The following ZNF236 variants were observed in gnomAD, a reference collection of about 807,000 sequenced individuals.
ZNF236 encodes the protein zinc finger protein 236.
Under a neutral mutation model 191.2 loss-of-function variants are expected in ZNF236, and 50 were observed. That is an observed-to-expected ratio of 0.26 (90% CI 0.21 to 0.33). The LOEUF (loss-of-function observed/expected upper bound fraction) is 0.33. Ranked by LOEUF, ZNF236 falls within the 10% of genes least tolerant of loss-of-function variation. ZNF236 has a pLI of 1.00. For synonymous variants in ZNF236, 907 were observed against 928.8 expected, an observed-to-expected ratio of 0.98 and a Z score of 0.43; for missense variants, 1,754 against 2,374.5, an observed-to-expected ratio of 0.74 and a Z score of 5.43.
intron 1 of ZNF236, among the ~76,000 whole-genome samples, chr18:76,847,136 A>G (rs966817865): frequency 1.3e-5 from 2 of 151,208 alleles, no homozygotes; most frequent in South Asian, 4.2e-4. Context: ...CGTATCTCCT[A>G]GGGTTTTATC....
chr18:76,875,717 T>C lies in ZNF236; in HGVS notation c.840+53T>C, dbSNP rs1976693453. 5.9e-6 allele frequency: 8 copies of C among 1,359,776 alleles called. No individual in the cohort carries two copies. The highest frequency in any genetic ancestry group is 6.7e-6 in the Non-Finnish European group (7 of 1,044,134). 84.2% of individuals were successfully genotyped at this position (1,359,776 alleles called of 1,614,324 possible). A position where few individuals can be genotyped will look rare whatever the true frequency, so the allele number is the denominator to read the frequency against. ...TATTTCACAGGGGACAGTAGGTATC[T>C]TTTGGGTTAATAAACGGACCTGAGA... is the stretch of plus-strand genomic sequence containing the variant. On this transcript the variant is annotated intron_variant, in intron 6 of 30. Coordinates refer to ENST00000320610, the MANE Select transcript of ZNF236 (RefSeq NM_001306089.2). This position sits in a 1 kb window ranked among gnomAD's most constrained non-coding sequence, Gnocchi z 4.3.
chr18:76,934,931 G>A (rs1206375229), intron 25 of ZNF236, among the ~76,000 whole-genome samples: 1 of 152,212 alleles, frequency 6.6e-6, no homozygotes, highest in Non-Finnish European at 1.5e-5. Flanking sequence ...GGTTTGATGA[G>A]CGTACAGTTT....
intron 18 of ZNF236, among the ~76,000 whole-genome samples, chr18:76,915,189 T>A (rs940646824): frequency 6.6e-6 from 1 of 152,236 alleles, no homozygotes; most frequent in African/African-American, 2.4e-5. Flanking sequence ...TATTTGAAAG[T>A]AAAGCTGTAT....
intron 5 of ZNF236, among the ~76,000 whole-genome samples, chr18:76,873,416 T>C (rs984816008): frequency 6.6e-6 from 1 of 152,208 alleles, no homozygotes; most frequent in Non-Finnish European, 1.5e-5. Flanking sequence ...ACTTGAAGCA[T>C]GTGTCACTTG....
intron 11 of ZNF236, among the ~76,000 whole-genome samples, chr18:76,902,780 G>A (rs563896055): frequency 1.4e-5 from 2 of 147,580 alleles, no homozygotes; most frequent in Admixed American, 6.8e-5. Context: ...AAGTAGAGAC[G>A]GGGTTTCTGC....
intron 1 of ZNF236, among the ~76,000 whole-genome samples, chr18:76,839,990 A>G (rs116512960): frequency 4.3e-4 from 65 of 152,328 alleles, no homozygotes; most frequent in African/African-American, 1.5e-3. Context: ...TCCTGAGCCT[A>G]GAATTCTTAG....
At chr18:76,832,564 T>C (rs1403951737) in intron 1 of ZNF236, among the ~76,000 whole-genome samples, 2 of 152,160 alleles carry the variant, frequency 1.3e-5, no homozygotes, top group Non-Finnish European at 2.9e-5. Flanking sequence ...TACTTACTCT[T>C]TTCCACTGTT....
At chr18:76,884,400 CAAAAAAA>C (rs58881647) in intron 9 of ZNF236, among the ~76,000 whole-genome samples, 7 of 93,060 alleles carry the variant, frequency 7.5e-5, no homozygotes, top group African/African-American at 2.0e-4. Flanking sequence ...GACTCCATCT[CAAAAAAA>C]AAAAAAAAGA....
intron 25 of ZNF236, among the ~76,000 whole-genome samples, chr18:76,930,695 G>A (rs773217576): frequency 2.0e-5 from 3 of 152,138 alleles, no homozygotes; most frequent in African/African-American, 4.8e-5. Context: ...GGGAGGGGAG[G>A]TTCTGTTATC....
At chr18:76,949,022 G>A (rs73490881) in intron 27 of ZNF236, among the ~76,000 whole-genome samples, 393 of 152,296 alleles carry the variant, frequency 2.6e-3, no homozygotes, top group African/African-American at 9.0e-3. Flanking sequence ...GGAGTGTGCA[G>A]GGTTTGAGCA....
intron 30 of ZNF236, among the ~76,000 whole-genome samples, chr18:76,968,011 G>A (rs73492906): frequency 0.02 from 3,068 of 152,226 alleles, 111 homozygotes; most frequent in African/African-American, 0.069. Flanking sequence ...CTGTGTGTGC[G>A]TTCATACTCC....
Position 76,960,158 on chromosome 18 carries a change from C to T in ZNF236, c.5242+342C>T, listed in dbSNP as rs1019582071. Among the ~76,000 whole-genome samples the T allele has an allele frequency of 2.0e-5, 3 of 152,120 alleles. No homozygotes were observed. The highest frequency in any genetic ancestry group is 2.9e-5 in the Non-Finnish European group (2 of 68,006). ...CTGGGTCCCATGTCCTCAATGTCAC[C>T]GGGGAACTTAATTTTTAATCTTCCT... On this transcript the variant is annotated intron_variant, in intron 29 of 30. Transcript: ENST00000320610. This position sits in a 1 kb window ranked among gnomAD's most constrained non-coding sequence, Gnocchi z 4.4.
At chr18:76,823,380 G>A (rs572058138) in intron 1 of ZNF236, among the ~76,000 whole-genome samples, 1 of 151,674 alleles carries the variant, frequency 6.6e-6, no homozygotes, top group African/African-American at 2.4e-5. Context: ...GCGCCATTGT[G>A]ATCCGGGGGG....
intron 19 of ZNF236, among the ~76,000 whole-genome samples, chr18:76,918,878 G>A (rs1234596038): frequency 1.3e-5 from 2 of 151,988 alleles, no homozygotes; most frequent in African/African-American, 2.4e-5. Context: ...ATAGTGTATC[G>A]TTTATTGAAT....
In ZNF236 at chr18:76,929,059, A is replaced by G. The variant is rs945486543; in HGVS notation, c.4594+953A>G. Among the ~76,000 whole-genome samples the G allele has an allele frequency of 2.0e-5, 3 of 148,408 alleles. No homozygotes were observed. The Admixed American group carries it at 2.1e-4, about 10-fold the overall frequency. ...AAACACACCTGTGGAGAAGGACAGCATTCTAGATGGACTCAACCATGAAGG... is the reference window on the plus strand; with the variant it reads ...AAACACACCTGTGGAGAAGGACAGCGTTCTAGATGGACTCAACCATGAAGG... On this transcript the variant is annotated intron_variant, in intron 25 of 30. Coordinates refer to ENST00000320610, the MANE Select transcript of ZNF236 (RefSeq NM_001306089.2).
At chr18:76,891,453 G>C (rs1977230774) in intron 9 of ZNF236, among the ~76,000 whole-genome samples, 1 of 152,050 alleles carries the variant, frequency 6.6e-6, no homozygotes, top group African/African-American at 2.4e-5. Context: ...GCTCACTGCA[G>C]CCTCGACCTC....
At position 76,872,988 on chromosome 18, in the gene ZNF236, A is replaced by G. The variant is rs17059995; in HGVS notation, c.667+1163A>G. Among the ~76,000 whole-genome samples the G allele has an allele frequency of 0.027, 4,043 of 152,204 alleles. 324 individuals carry two copies. In the East Asian group the frequency reaches 0.28, roughly 11 times the overall value. On this transcript the variant is annotated intron_variant, in intron 5 of 30. Transcript: ENST00000320610. ...TTGTGGAGTCATTCAGATGATTTCA[A>G]TGTTTATATGTCAGCATAAAGTTAA... is the stretch of plus-strand genomic sequence containing the variant.
chr18:76,905,496 G>A (rs1977713699), intron 13 of ZNF236, 81 bp downstream of exon 13: 6 of 1,334,524 alleles, frequency 4.5e-6, no homozygotes, highest in African/African-American at 1.5e-5. Flanking sequence ...GGAAATAATT[G>A]TCTTTGATTC....
chr18:76,847,389 C>T (rs1411070837), intron 1 of ZNF236, among the ~76,000 whole-genome samples: 1 of 152,132 alleles, frequency 6.6e-6, no homozygotes, highest in African/African-American at 2.4e-5. Flanking sequence ...CTGTTTCTTA[C>T]CATACTACAC....
Sources: allele counts gnomAD v4.1 joint callset (sites outside exome capture counted in the v4.1 genomes callset), GRCh38; gene constraint gnomAD v4.1.1; non-coding constraint Gnocchi (gnomAD v3.1); transcripts MANE v1.5; gene names NCBI Gene and HGNC (gene_info 2026-07-23, HGNC 2026-07-21).